LRRC66: variants seen among roughly 807,000 people sequenced by gnomAD.
LRRC66 encodes the protein leucine rich repeat containing 66.
Under a neutral mutation model 24.6 loss-of-function variants are expected in LRRC66, and 29 were observed. The observed-to-expected ratio is 1.18, with a 90% confidence interval of 0.88 to 1.61. LRRC66 has a LOEUF of 1.61. Ranked by LOEUF, LRRC66 falls within the 40% of genes most tolerant of loss-of-function variation. The probability of loss-of-function intolerance (pLI) is 0.00; values close to 1 mark genes in which losing one functional copy is unlikely to be tolerated. For missense variants in LRRC66, 1,124 were observed against 1,058.0 expected, an observed-to-expected ratio of 1.06 and a Z score of -0.87; for synonymous variants, 411 against 397.6, an observed-to-expected ratio of 1.03 and a Z score of -0.40.
chr4:52,018,327 A>T, intron 1 of LRRC66: 1 of 984,796 alleles, frequency 1.0e-6, no homozygotes, highest in Non-Finnish European at 1.2e-6. Context: ...CAAAGTTTTT[A>T]AAAAGAAGTG....
At chr4:52,018,332 G>A in intron 1 of LRRC66, 2 of 984,650 alleles carry the variant, frequency 2.0e-6, no homozygotes, top group Non-Finnish European at 2.4e-6. Context: ...TTTTTAAAAA[G>A]AAGTGTGTAC....
intron 2 of LRRC66, among the ~76,000 whole-genome samples, chr4:52,006,886 A>C (rs1047471618): frequency 6.6e-6 from 1 of 152,128 alleles, no homozygotes; most frequent in African/African-American, 2.4e-5. Flanking sequence ...AAATGAAAAA[A>C]AACTAAGTTC....
rs1410952663 is a variant in LRRC66, at chr4:51,994,829, A to G, written c.2193T>C (p.Asp731=). 2 of 1,614,094 alleles carry G rather than the reference A, an allele frequency of 1.2e-6. No homozygotes were observed. Among genetic ancestry groups the G allele is most frequent in the East Asian group, 4.5e-5 (2 of 44,888 alleles). The change falls in exon 5 of 5, where the codon GAT becomes GAC. Residue 731 remains aspartate (D), a synonymous_variant. Transcript: ENST00000682860. ...AGCTCTCGTCCTGCAGGGACTCCTC[A>G]TCAGGCACTGCCTCTTCAGTCTTGC... ...ARSKTEEAVP[D]EESLQDESSG...
rs1478542516 is a variant in LRRC66 at position 51,995,659 on chromosome 4, G to GGTTCTC, written c.1357_1362dup (p.Glu453_Asn454dup). On this transcript the variant is annotated inframe_insertion, in exon 5 of 5. Transcript: ENST00000682860. Reference sequence around the variant, plus strand: ...GGCTGTGTCACCCAGAAAGGGGTCTGGTTCTCGTAGAGGCTTAGATGAGGA... The same window carrying GGTTCTC: ...GGCTGTGTCACCCAGAAAGGGGTCTGGTTCTCGTTCTCGTAGAGGCTTAGATGAGGA... 1 of 1,614,144 alleles carries GGTTCTC rather than the reference G, an allele frequency of 6.2e-7. No homozygotes were observed. Among genetic ancestry groups the GGTTCTC allele is most frequent in the Middle Eastern group, 1.6e-4 (1 of 6,062 alleles).
chr4:52,018,941 A>G (rs537834510), intron 1 of LRRC66, among the ~76,000 whole-genome samples: 3 of 152,264 alleles, frequency 2.0e-5, no homozygotes, highest in Non-Finnish European at 4.4e-5. Flanking sequence ...CAAGAGCGCC[A>G]TGTCAGCTCA....
intron 1 of LRRC66, chr4:52,017,998 T>A (rs1736858858): frequency 6.1e-6 from 6 of 985,406 alleles, no homozygotes; most frequent in Non-Finnish European, 7.2e-6. Flanking sequence ...CAGAGCAAAG[T>A]CTATTATGCT....
intron 2 of LRRC66, among the ~76,000 whole-genome samples, chr4:52,004,404 A>C (rs1736529166): frequency 6.6e-6 from 1 of 152,226 alleles, no homozygotes; most frequent in African/African-American, 2.4e-5. Context: ...CAAAGGTAGT[A>C]AGTTATAGCT....
chr4:51,997,614 G>T, intron 4 of LRRC66, 134 bp downstream of exon 4: 2 of 760,142 alleles, frequency 2.6e-6, no homozygotes, highest in Non-Finnish European at 2.2e-6. Context: ...CTATGACACA[G>T]CCCAAGACTG....
chr4:52,006,148 C>T (rs1473824887), intron 2 of LRRC66, among the ~76,000 whole-genome samples: 1 of 152,156 alleles, frequency 6.6e-6, no homozygotes, highest in East Asian at 1.9e-4. Context: ...TAAAGCGATT[C>T]CTCAGGGATC....
chr4:52,003,277 G>T lies in LRRC66; in HGVS notation c.612C>A (p.Ser204Arg), dbSNP rs764516319. The part of the protein sequence containing the change: ...CLQLENLCLK[S>R]NKIFKIPPQA... ...GTGGGGGAATTTTGAATATCTTGTT[G>T]CTCTTTAAACAGAGATTCTCCAGTT... The change falls in exon 3 of 5, where the codon AGC (serine) becomes AGA (arginine). Residue 204 changes from serine (S) to arginine (R), a missense_variant. Physicochemically the swap from Ser to Arg is moderately radical, Grantham distance 110 (BLOSUM62 -1). Coordinates refer to ENST00000682860, the MANE Select transcript of LRRC66 (RefSeq NM_001024611.3). 7.4e-6 allele frequency: 12 copies of T among 1,613,584 alleles called. No homozygotes were observed. The highest frequency in any genetic ancestry group is 2.2e-5 in the South Asian group (2 of 91,032).
rs1419896161 is a variant in LRRC66 at position 51,995,484 on chromosome 4, G to A, written c.1538C>T (p.Pro513Leu). 6.2e-7 allele frequency: 1 copy of A among 1,614,098 alleles called. No individual in the cohort carries two copies. Among genetic ancestry groups the A allele is most frequent in the Admixed American group, 1.7e-5 (1 of 60,014 alleles). ...GAVYSILQRH[P>L]HAGNRELMSA... The stretch of plus-strand genomic sequence containing the variant: ...CATTAGTTCACGGTTACCGGCATGT[G>A]GATGTCTCTGGAGAATGGAATAGAC... The change falls in exon 5 of 5, where the codon CCA (proline) becomes CTA (leucine). Residue 513 changes from proline to leucine, a missense_variant. Pro to Leu is a moderately conservative substitution (Grantham distance 98, BLOSUM62 -3). Coordinates refer to ENST00000682860, the MANE Select transcript of LRRC66 (RefSeq NM_001024611.3).
rs368063160 is a variant in LRRC66, at chr4:51,995,799, T to A, written c.1223A>T (p.Lys408Met). ...CAGGCCAGGGCTTTTGCTCTGGCAC[T>A]TTTTTTGCCACAGTCTGTCAACATA... ...RPYVDRLWQKKCQSKSPGLDN... is the reference protein window; with the variant it reads ...RPYVDRLWQKMCQSKSPGLDN... The change falls in exon 5 of 5, where the codon AAG becomes ATG. Residue 408 changes from lysine (K) to methionine (M), a missense_variant. By Grantham distance (95) the Lys-to-Met change is moderately conservative. Coordinates refer to ENST00000682860, the MANE Select transcript of LRRC66 (RefSeq NM_001024611.3). 5 of 1,613,956 alleles carry A rather than the reference T, an allele frequency of 3.1e-6. No individual in the cohort carries two copies. The highest frequency in any genetic ancestry group is 4.2e-6 in the Non-Finnish European group (5 of 1,179,994).
intron 1 of LRRC66, among the ~76,000 whole-genome samples, chr4:52,019,274 TCTTTCAGTAAACA>T (rs1736890944): frequency 6.6e-6 from 1 of 152,222 alleles, no homozygotes; most frequent in Non-Finnish European, 1.5e-5. Flanking sequence ...CTTACAGAAA[TCTTTCAGTAAACA>T]CTGAAGGAAT....
intron 3 of LRRC66, among the ~76,000 whole-genome samples, chr4:52,000,354 TACCA>T (rs1736420666): frequency 2.6e-5 from 4 of 152,180 alleles, no homozygotes; most frequent in Non-Finnish European, 1.5e-5. Flanking sequence ...TACTATATAC[TACCA>T]ATTAACTACC....
chr4:52,011,753 G>A (rs562282001), intron 2 of LRRC66, among the ~76,000 whole-genome samples: 2 of 152,280 alleles, frequency 1.3e-5, no homozygotes, highest in South Asian at 4.1e-4. Context: ...GATGCACACT[G>A]TCTCTAAACC....
At chr4:52,009,769 G>T (rs1194780025) in intron 2 of LRRC66, among the ~76,000 whole-genome samples, 1 of 152,096 alleles carries the variant, frequency 6.6e-6, no homozygotes, top group South Asian at 2.1e-4. Context: ...ATTTATGGAA[G>T]AAACAAAGCC....
chr4:51,999,479 G>A (rs926547247), intron 3 of LRRC66, among the ~76,000 whole-genome samples: 1 of 152,134 alleles, frequency 6.6e-6, no homozygotes, highest in Non-Finnish European at 1.5e-5. Flanking sequence ...AAAATTGGAG[G>A]TGGGAGACTG....
chr4:52,017,430 C>T lies in LRRC66; in HGVS notation c.184G>A (p.Ala62Thr), dbSNP rs1407490035. ...CDIPVDISQT[A>T]ATVDVSFNFF... is the part of the protein sequence containing the mutation. ...TTGAAACTTACATCCACAGTGGCTG[C>T]TGTCTGTGATATGTCCACAGGTATA... is the stretch of plus-strand genomic sequence containing the variant. The change falls in exon 2 of 5, where the codon GCA becomes ACA. Residue 62 changes from alanine to threonine, a missense_variant. Transcript: ENST00000682860. 1.9e-6 allele frequency: 3 copies of T among 1,614,030 alleles called. No homozygotes were observed. The highest frequency in any genetic ancestry group is 2.5e-6 in the Non-Finnish European group (3 of 1,179,942).
intron 3 of LRRC66, among the ~76,000 whole-genome samples, chr4:52,001,570 T>C (rs1203133512): frequency 6.6e-6 from 1 of 152,242 alleles, no homozygotes. Context: ...CTTACTGTAT[T>C]CTAAGCACTT....
Sources: allele counts gnomAD v4.1 joint callset (sites outside exome capture counted in the v4.1 genomes callset), GRCh38; gene constraint gnomAD v4.1.1; transcripts MANE v1.5; gene names NCBI Gene and HGNC (gene_info 2026-07-23, HGNC 2026-07-21).